REV1: variants seen among roughly 807,000 people sequenced by gnomAD.
REV1 encodes REV1 DNA directed polymerase.
Under a neutral mutation model 137.4 loss-of-function variants are expected in REV1, and 42 were observed. The ratio of observed to expected loss-of-function variants is 0.31; its 90% CI spans 0.24 to 0.40. The LOEUF (loss-of-function observed/expected upper bound fraction) is 0.40. REV1 is among the 10% of genes least tolerant of loss of function. REV1 has a pLI of 1.00. For synonymous variants in REV1, 524 were observed against 519.2 expected (o/e 1.01, Z -0.12); for missense variants, 1,282 against 1,490.1 (o/e 0.86, Z 2.30).
rs1675261394 is a variant in REV1 at position 99,400,708 on chromosome 2, A to C, written c.*533T>G. 6.6e-6 allele frequency: 1 copy of C among 152,250 alleles called. No homozygotes were observed. 9.4% of individuals were successfully genotyped at this position (152,250 alleles called of 1,614,324 possible). On this transcript the variant is annotated 3_prime_UTR_variant, in exon 23 of 23. Transcript: ENST00000258428. Reference sequence around the variant, plus strand: ...ATTCAAAATATGTAGATTTCTCCGCATGGAAGAAGTAGTAAAGATTTTCTT... The same window carrying C: ...ATTCAAAATATGTAGATTTCTCCGCCTGGAAGAAGTAGTAAAGATTTTCTT...
At chr2:99,408,182 T>C in intron 14 of REV1, 51 bp from the exon 15 acceptor site, 1 of 1,064,084 alleles carries the variant, frequency 9.4e-7, no homozygotes. Context: ...ATGTATTCAC[T>C]AGTACTAAAG....
intron 2 of REV1, among the ~76,000 whole-genome samples, chr2:99,463,761 T>C (rs1373556956): frequency 1.3e-5 from 2 of 152,056 alleles, no homozygotes; most frequent in African/African-American, 4.8e-5. Context: ...GTAGCTGGGA[T>C]TATAGGTGCT....
intron 1 of REV1, among the ~76,000 whole-genome samples, chr2:99,476,238 G>C (rs1685960124): frequency 6.6e-6 from 1 of 152,026 alleles, no homozygotes; most frequent in Non-Finnish European, 1.5e-5. Flanking sequence ...TCCAAGATGA[G>C]ACTGGGAGGT....
intron 1 of REV1, among the ~76,000 whole-genome samples, chr2:99,482,650 T>C (rs1199277023): frequency 6.6e-6 from 1 of 152,158 alleles, no homozygotes; most frequent in African/African-American, 2.4e-5. Flanking sequence ...AGAAAAAAGT[T>C]AGGTAAAAGC....
At position 99,429,977 on chromosome 2, in the gene REV1, A is replaced by T. The variant is rs765955818; in HGVS notation, c.1439-29T>A. 5.1e-6 allele frequency: 7 copies of T among 1,365,188 alleles called. No homozygotes were observed. The South Asian group carries it at 9.5e-5, about 19-fold the overall frequency. 84.6% of individuals were successfully genotyped at this position (1,365,188 alleles called of 1,614,324 possible). ...TAAAAATAAAAAAAAATTAATGGTTATATGTTATAAACTGATTTTCCCTCA... is the reference window on the plus strand; with the variant it reads ...TAAAAATAAAAAAAAATTAATGGTTTTATGTTATAAACTGATTTTCCCTCA... On this transcript the variant is annotated intron_variant, in intron 8 of 22. Coordinates refer to ENST00000258428, the MANE Select transcript of REV1 (RefSeq NM_016316.4).
At chr2:99,427,812 T>C (rs186086987) in intron 9 of REV1, among the ~76,000 whole-genome samples, 78 of 152,316 alleles carry the variant, frequency 5.1e-4, no homozygotes, top group African/African-American at 1.8e-3. Context: ...CATCACTTTA[T>C]GTATCTTCTT....
chr2:99,462,354 G>C (rs1684315801), intron 3 of REV1, 142 bp downstream of exon 3: 3 of 760,478 alleles, frequency 3.9e-6, no homozygotes, highest in African/African-American at 1.8e-5. Context: ...GGAAAAAGAA[G>C]TATCTAAGCA....
At chr2:99,428,752 T>C (rs1407618950) in intron 9 of REV1, among the ~76,000 whole-genome samples, 1 of 152,070 alleles carries the variant, frequency 6.6e-6, no homozygotes, top group Non-Finnish European at 1.5e-5. Flanking sequence ...TCCCAGCACT[T>C]TGGGAGGCTG....
At chr2:99,428,936 G>A (rs1461904164) in intron 9 of REV1, among the ~76,000 whole-genome samples, 1 of 148,830 alleles carries the variant, frequency 6.7e-6, no homozygotes, top group Non-Finnish European at 1.5e-5. Flanking sequence ...AGCTTGCAGT[G>A]AGCCAAGATG....
chr2:99,490,096 C>G (rs1201700537), upstream of REV1: 1 of 149,582 alleles, frequency 6.7e-6, no homozygotes, highest in Admixed American at 6.7e-5. Context: ...CGGCCCCGCT[C>G]GCGCTCACAG....
chr2:99,466,540 C>A (rs1684817628), intron 1 of REV1, among the ~76,000 whole-genome samples: 1 of 152,202 alleles, frequency 6.6e-6, no homozygotes, highest in Non-Finnish European at 1.5e-5. Context: ...CCATGCCTGG[C>A]CAGCAGATAT....
intron 10 of REV1, 68 bp downstream of exon 10, chr2:99,424,084 G>T: frequency 6.7e-7 from 1 of 1,489,742 alleles, no homozygotes; most frequent in Non-Finnish European, 9.1e-7. Flanking sequence ...AAGAAAACTT[G>T]AACTGTCTTT....
chr2:99,421,402 G>A (rs1678657865), intron 11 of REV1, 97 bp downstream of exon 11: 1 of 1,186,326 alleles, frequency 8.4e-7, no homozygotes. Context: ...TTTTACAAGT[G>A]AGAGGAAGCT....
chr2:99,476,146 A>C (rs1685947883), intron 1 of REV1, among the ~76,000 whole-genome samples: 2 of 152,242 alleles, frequency 1.3e-5, no homozygotes, highest in South Asian at 4.1e-4. Context: ...GCTGTGCAGT[A>C]AGAATCCTAA....
intron 4 of REV1, among the ~76,000 whole-genome samples, chr2:99,445,712 C>T (rs1682114382): frequency 6.6e-6 from 1 of 152,124 alleles, no homozygotes; most frequent in Non-Finnish European, 1.5e-5. Flanking sequence ...GTGAGATTTA[C>T]AAAACAAAGG....
chr2:99,438,328 A>G (rs1432975120), intron 6 of REV1, among the ~76,000 whole-genome samples: 4 of 152,348 alleles, frequency 2.6e-5, no homozygotes, highest in Admixed American at 2.6e-4. Flanking sequence ...ACCAACTGAT[A>G]AGGTCTACGT....
In REV1 at chr2:99,412,776, T is replaced by C; in HGVS notation, c.2127A>G (p.Arg709=). ...AGTTGATCTCAGCTGAAACAGATTT[T>C]CTTTCCTTTTCAGTTCGAACTGGTC... ...DDRPVRTEKE[R]KSVSAEINYG... is the part of the protein sequence containing the mutation. Residue 709 remains arginine (R), a synonymous_variant, in exon 13 of 23, where the codon AGA becomes AGG. Coordinates refer to ENST00000258428, the MANE Select transcript of REV1 (RefSeq NM_016316.4). The C allele has an allele frequency of 1.2e-6, 2 of 1,614,180 alleles. No individual in the cohort carries two copies. The highest frequency in any genetic ancestry group is 1.1e-5 in the South Asian group (1 of 91,078).
At chr2:99,488,712 A>G (rs934960541) in intron 1 of REV1, among the ~76,000 whole-genome samples, 4 of 152,218 alleles carry the variant, frequency 2.6e-5, no homozygotes, top group African/African-American at 9.7e-5. Flanking sequence ...TGGTTCCCAC[A>G]GGCTGATTTG....
At chr2:99,489,700 C>T (rs1687501323) in intron 1 of REV1, 117 bp downstream of exon 1, 1 of 149,500 alleles carries the variant, frequency 6.7e-6, no homozygotes. Flanking sequence ...CCCTCCCCCG[C>T]GCCACCTCAG....
Sources: gnomAD v4.1 joint callset for allele counts (sites outside exome capture counted in the v4.1 genomes callset) on GRCh38, gnomAD v4.1.1 for gene constraint, MANE v1.5 for transcripts, NCBI Gene and HGNC (gene_info 2026-07-23, HGNC 2026-07-21) for gene names.